MROH7: variants seen among roughly 807,000 people sequenced by gnomAD.
MROH7 encodes the protein maestro heat like repeat family member 7.
MROH7 carries 113 observed loss-of-function variants against 129.2 expected under a neutral mutation model. The observed-to-expected ratio is 0.87, with a 90% CI of 0.75 to 1.02. MROH7 has a LOEUF of 1.02. Ranked by LOEUF, MROH7 falls within the 50% of genes least tolerant of loss-of-function variation. MROH7 has a pLI of 0.00. For missense variants in MROH7, 1,601 were observed against 1,671.3 expected (o/e 0.96, Z 0.73); for synonymous variants, 655 against 667.9 (o/e 0.98, Z 0.30).
chr1:54,657,592 G>T (rs572071457), intron 3 of MROH7, among the ~76,000 whole-genome samples: 1 of 152,170 alleles, frequency 6.6e-6, no homozygotes, highest in East Asian at 1.9e-4. Context: ...GCCCAGGCTG[G>T]TCTTGAACTC....
chr1:54,673,650 C>A (rs374989050), intron 8 of MROH7, 51 bp from the exon 9 acceptor site: 1 of 1,414,808 alleles, frequency 7.1e-7, no homozygotes, highest in Non-Finnish European at 1.0e-6. Context: ...CACCCAGCAG[C>A]AGGGGCTGTC....
chr1:54,644,250 G>A (rs537847341), intron 1 of MROH7, among the ~76,000 whole-genome samples: 1 of 149,766 alleles, frequency 6.7e-6, no homozygotes, highest in African/African-American at 2.5e-5. Context: ...GGTGGGGAGG[G>A]GGGTCTATTT....
chr1:54,684,454 T>C (rs757462214), intron 14 of MROH7, among the ~76,000 whole-genome samples: 4 of 152,378 alleles, frequency 2.6e-5, no homozygotes, highest in Non-Finnish European at 4.4e-5. Flanking sequence ...TCTTCTACAA[T>C]TGGTGTATGT....
In MROH7 at chr1:54,653,388, G is replaced by A. The variant is rs1339222047; in HGVS notation, c.462G>A (p.Lys154=). 1 of 1,614,202 alleles carries A rather than the reference G, an allele frequency of 6.2e-7. No homozygotes were observed. The highest frequency in any genetic ancestry group is 8.5e-7 in the Non-Finnish European group (1 of 1,180,044). The change falls in exon 3 of 24, where the codon AAG becomes AAA. Residue 154 remains lysine, a synonymous_variant. Transcript: ENST00000421030. Reference sequence around the variant, plus strand: ...AGTCAAATTCTGAAGATGCCTTCAAGTGCCTCTCAAGTAAGATTTTCAAGT... The same window carrying A: ...AGTCAAATTCTGAAGATGCCTTCAAATGCCTCTCAAGTAAGATTTTCAAGT... ...HPQSNSEDAF[K]CLSSKIFKLG... is the part of the protein sequence containing the mutation.
chr1:54,654,120 A>G lies in MROH7; in HGVS notation c.1194A>G (p.Ala398=), dbSNP rs1241302053. Residue 398 remains alanine (A), a synonymous_variant, in exon 3 of 24, where the codon GCA becomes GCG. Transcript: ENST00000421030. ...FPLGFPISNP[A]GKDAVTLQGI... ...TGGGATTCCCCATCTCCAACCCCGC[A>G]GGCAAGGACGCCGTGACCTTGCAAG... The G allele has an allele frequency of 8.7e-6, 14 of 1,613,582 alleles. No individual in the cohort carries two copies. Among genetic ancestry groups the G allele is most frequent in the Non-Finnish European group, 1.1e-5 (13 of 1,179,740 alleles).
At chr1:54,685,670 A>C (rs1178622330) in intron 14 of MROH7, among the ~76,000 whole-genome samples, 3 of 152,112 alleles carry the variant, frequency 2.0e-5, no homozygotes, top group Non-Finnish European at 4.4e-5. Context: ...CAGAGCTGGC[A>C]CTTGAGCCAT....
chr1:54,708,468 G>T (rs760805383), intron 22 of MROH7, among the ~76,000 whole-genome samples: 3 of 152,074 alleles, frequency 2.0e-5, no homozygotes, highest in Non-Finnish European at 2.9e-5. Flanking sequence ...GCTTCTGAGA[G>T]GTACAGCCCA....
rs571330225 is a variant in MROH7 at position 54,690,732 on chromosome 1, A to G, written c.2712-1692A>G. Among the ~76,000 whole-genome samples, 6 of 152,296 alleles carry G rather than the reference A, an allele frequency of 3.9e-5. No homozygotes were observed. The East Asian group carries it at 1.2e-3, about 29-fold the overall frequency. On this transcript the variant is annotated intron_variant, in intron 15 of 23. Coordinates refer to ENST00000421030, the MANE Select transcript of MROH7 (RefSeq NM_001039464.4). ...TGCTGGGATTACAGGCGTGAGCCAC[A>G]GCACCTGGCGAATTCAGAAGTTTTG...
At chr1:54,692,273 A>C in intron 15 of MROH7, 151 bp from the exon 16 acceptor site, 2 of 922,214 alleles carry the variant, frequency 2.2e-6, no homozygotes. Flanking sequence ...TATTTGTAAA[A>C]AGCCACCCTT....
Position 54,653,778 on chromosome 1 carries a change from C to T in MROH7, c.852C>T (p.Ser284=). ...TGAATGTGGCTTCCAGCGGCCACTC[C>T]AGATCTGATTTGAGCGTGACCATCA... is the stretch of plus-strand genomic sequence containing the variant. ...ETMNVASSGH[S]RSDLSVTITQ... The change falls in exon 3 of 24, where the codon TCC becomes TCT. Residue 284 remains serine (S), a synonymous_variant. Coordinates refer to ENST00000421030, the MANE Select transcript of MROH7 (RefSeq NM_001039464.4). 6.2e-7 allele frequency: 1 copy of T among 1,614,198 alleles called. No homozygotes were observed. Among genetic ancestry groups the T allele is most frequent in the South Asian group, 1.1e-5 (1 of 91,088 alleles).
chr1:54,708,417 AAAAC>A (rs55969302), intron 22 of MROH7, among the ~76,000 whole-genome samples: 28 of 150,672 alleles, frequency 1.9e-4, no homozygotes, highest in South Asian at 6.3e-4. Flanking sequence ...ACACTGTCTA[AAAAC>A]AAACAAACAA....
At chr1:54,671,250 C>A (rs940402029) in intron 7 of MROH7, among the ~76,000 whole-genome samples, 2 of 146,088 alleles carry the variant, frequency 1.4e-5, no homozygotes, top group African/African-American at 2.5e-5. Flanking sequence ...AAAAAAAAAA[C>A]TTAGCCGGGC....
intron 18 of MROH7, 87 bp from the exon 19 acceptor site, chr1:54,701,056 A>G: frequency 6.9e-7 from 1 of 1,445,458 alleles, no homozygotes; most frequent in Non-Finnish European, 9.6e-7. Flanking sequence ...TGGGCCACCA[A>G]GTTCATTTCA....
intron 22 of MROH7, among the ~76,000 whole-genome samples, chr1:54,707,817 A>T (rs1169164313): frequency 6.6e-6 from 1 of 152,156 alleles, no homozygotes. Context: ...GAAGAAAATT[A>T]TGAATACTTT....
At chr1:54,678,012 C>T (rs892043800) in intron 10 of MROH7, among the ~76,000 whole-genome samples, 2 of 152,126 alleles carry the variant, frequency 1.3e-5, no homozygotes, top group Non-Finnish European at 1.5e-5. Flanking sequence ...GAGGTATTGC[C>T]ACACATCCAC....
chr1:54,653,291 G>C lies in MROH7; in HGVS notation c.365G>C (p.Cys122Ser), dbSNP rs1298858065. 3 of 1,614,172 alleles carry C rather than the reference G, an allele frequency of 1.9e-6. No homozygotes were observed. The highest frequency in any genetic ancestry group is 2.2e-5 in the South Asian group (2 of 91,084). ...AGGCCTGACTCACAGGGGCGCCTCT[G>C]TCCAGCCTCAAACCCCATTCTGAGC... is the stretch of plus-strand genomic sequence containing the variant. ...VSRPDSQGRL[C>S]PASNPILSPS... is the part of the protein sequence containing the mutation. The change falls in exon 3 of 24, where the codon TGT becomes TCT. Residue 122 changes from cysteine (C) to serine (S), a missense_variant. By Grantham distance (112) the Cys-to-Ser change is moderately radical (BLOSUM62 -1). Coordinates refer to ENST00000421030, the MANE Select transcript of MROH7 (RefSeq NM_001039464.4).
At chr1:54,665,357 T>C (rs1644796958) in intron 4 of MROH7, 117 bp downstream of exon 4, 1 of 684,336 alleles carries the variant, frequency 1.5e-6, no homozygotes, top group South Asian at 1.8e-5. Context: ...GCTCTCCTTT[T>C]CTCCATAACA....
intron 17 of MROH7, among the ~76,000 whole-genome samples, chr1:54,696,659 CTTTTTTTTTTTTTTTTT>C (rs1157748080): frequency 4.5e-5 from 3 of 66,894 alleles, no homozygotes; most frequent in East Asian, 8.5e-4. Context: ...AATTTCCTTA[CTTTTTTTTTTTTTTTTT>C]TTTTTTTTTT....
chr1:54,680,125 G>A (rs1645046168), intron 13 of MROH7, 80 bp downstream of exon 13: 1 of 1,351,232 alleles, frequency 7.4e-7, no homozygotes, highest in Non-Finnish European at 1.0e-6. Flanking sequence ...ACCCCCTTCT[G>A]CCCAGATAAG....
Sources: allele counts gnomAD v4.1 joint callset (sites outside exome capture counted in the v4.1 genomes callset), GRCh38; gene constraint gnomAD v4.1.1; transcripts MANE v1.5; gene names NCBI Gene and HGNC (gene_info 2026-07-23, HGNC 2026-07-21).